SRRM4: variants seen among roughly 807,000 people sequenced by gnomAD.
SRRM4 encodes the protein serine/arginine repetitive matrix 4.
SRRM4 carries 33 observed loss-of-function variants against 68.9 expected under a neutral mutation model. The observed-to-expected ratio is 0.48, with a 90% CI of 0.36 to 0.64. The LOEUF is 0.64. Among genes scored for constraint, SRRM4 ranks in the 30% least tolerant of loss-of-function variants. The probability of loss-of-function intolerance (pLI) is 0.00; values close to 1 mark genes in which losing one functional copy is unlikely to be tolerated. For missense variants in SRRM4, 817 were observed against 827.1 expected, an observed-to-expected ratio of 0.99 and a Z score of 0.15; for synonymous variants, 318 against 318.8, an observed-to-expected ratio of 1.00 and a Z score of 0.03.
intron 1 of SRRM4, among the ~76,000 whole-genome samples, chr12:119,009,270 G>A (rs1472967729): frequency 2.0e-5 from 3 of 152,166 alleles, no homozygotes; most frequent in African/African-American, 7.2e-5. Flanking sequence ...ATCGGGAAGA[G>A]GGAGGAGAGT....
Position 119,003,337 on chromosome 12 carries a change from C to T in SRRM4, c.131+21324C>T, listed in dbSNP as rs1354794480. Among the ~76,000 whole-genome samples, 4 of 151,788 alleles carry T rather than the reference C, an allele frequency of 2.6e-5. No homozygotes were observed. In the East Asian group the frequency reaches 6.0e-4, roughly 23 times the overall value. The stretch of plus-strand genomic sequence containing the variant: ...AATAGCTGTGAGCCTTCACAGCTTC[C>T]GGCATATCCTGAGCCTCAGCCCCCA... On this transcript the variant is annotated intron_variant, in intron 1 of 12. Coordinates refer to ENST00000267260, the MANE Select transcript of SRRM4 (RefSeq NM_194286.4).
chr12:118,988,394 G>A (rs936966872), intron 1 of SRRM4, among the ~76,000 whole-genome samples: 2 of 152,330 alleles, frequency 1.3e-5, no homozygotes, highest in African/African-American at 4.8e-5. Context: ...AACGCTAGTG[G>A]AGGGGAGCCG....
chr12:119,018,993 AAAAG>A (rs1953498010), intron 1 of SRRM4, among the ~76,000 whole-genome samples: 2 of 152,194 alleles, frequency 1.3e-5, no homozygotes. Context: ...AGCTCAAGTG[AAAAG>A]AAAGAGATTT....
rs148414816 is a variant in SRRM4 at position 119,057,876 on chromosome 12, G to A, written c.132-44360G>A. ...ACATCTGTTGTTTCTGGACTTTTTA[G>A]TAATTGCCATTGGTCCAGGGTTTTT... On this transcript the variant is annotated intron_variant, in intron 1 of 12. Transcript: ENST00000267260. Among the ~76,000 whole-genome samples, 431 of 152,210 alleles carry A rather than the reference G, an allele frequency of 2.8e-3. 3 individuals carry two copies. The highest frequency in any genetic ancestry group is 9.9e-3 in the African/African-American group (410 of 41,538).
intron 1 of SRRM4, among the ~76,000 whole-genome samples, chr12:119,033,633 C>T (rs1953607517): frequency 6.7e-6 from 1 of 150,302 alleles, no homozygotes; most frequent in African/African-American, 2.5e-5. Flanking sequence ...CACTGCAGTC[C>T]AGCCTGGTGA....
intron 8 of SRRM4, among the ~76,000 whole-genome samples, chr12:119,133,321 GGTGGTAATAGTA>G (rs1954309053): frequency 6.6e-6 from 1 of 152,198 alleles, no homozygotes; most frequent in Admixed American, 6.5e-5. Flanking sequence ...TGATAGTAGT[GGTGGTAATAGTA>G]GTGGTGATAG....
chr12:119,123,399 A>G (rs190422962), intron 6 of SRRM4, among the ~76,000 whole-genome samples: 6 of 152,244 alleles, frequency 3.9e-5, no homozygotes, highest in Non-Finnish European at 8.8e-5. Flanking sequence ...AAGCACAGAT[A>G]GAGTACACGT....
At chr12:119,070,420 C>G (rs1228056281) in intron 1 of SRRM4, among the ~76,000 whole-genome samples, 2 of 152,102 alleles carry the variant, frequency 1.3e-5, no homozygotes, top group African/African-American at 4.8e-5. Context: ...TTAGAGTTCA[C>G]CCATGTCTGC....
intron 1 of SRRM4, among the ~76,000 whole-genome samples, chr12:119,066,692 C>T (rs941471037): frequency 2.0e-5 from 3 of 152,210 alleles, no homozygotes; most frequent in Non-Finnish European, 4.4e-5. Flanking sequence ...CGTCTACAGC[C>T]CTTCACCTGA....
chr12:119,013,962 TTTATTTGACCA>T (rs1953465616), intron 1 of SRRM4, among the ~76,000 whole-genome samples: 1 of 152,124 alleles, frequency 6.6e-6, no homozygotes, highest in African/African-American at 2.4e-5. Flanking sequence ...TAAGAATCAT[TTTATTTGACCA>T]TTACTTGATG....
intron 2 of SRRM4, among the ~76,000 whole-genome samples, chr12:119,103,544 G>A (rs1230329709): frequency 2.0e-5 from 3 of 152,204 alleles, no homozygotes; most frequent in Non-Finnish European, 4.4e-5. Context: ...CTTTAGTTAT[G>A]CTGCAATTTC....
intron 1 of SRRM4, among the ~76,000 whole-genome samples, chr12:119,085,028 G>A (rs1448421403): frequency 6.6e-6 from 1 of 152,156 alleles, no homozygotes; most frequent in African/African-American, 2.4e-5. Context: ...AGCCTCCCGA[G>A]TAGCCGGGAT....
At chr12:119,054,302 A>G (rs1051567845) in intron 1 of SRRM4, among the ~76,000 whole-genome samples, 4 of 152,172 alleles carry the variant, frequency 2.6e-5, no homozygotes, top group Non-Finnish European at 4.4e-5. Context: ...ACACTTTTTG[A>G]GCACTCACTG....
chr12:119,134,948 A>G (rs1175598225), intron 8 of SRRM4, among the ~76,000 whole-genome samples: 1 of 152,148 alleles, frequency 6.6e-6, no homozygotes, highest in African/African-American at 2.4e-5. Flanking sequence ...AAACACCACT[A>G]TGTGTCAGGC....
At chr12:119,128,117 G>A (rs1954272554) in intron 7 of SRRM4, among the ~76,000 whole-genome samples, 1 of 152,164 alleles carries the variant, frequency 6.6e-6, no homozygotes, top group East Asian at 1.9e-4. Context: ...AGGCCTTGGT[G>A]TTTCTGCTGA....
In SRRM4 at chr12:119,110,856, C is replaced by T. The variant is rs1954138551; in HGVS notation, c.279-3422C>T. ...TCCGACAAGCCCCCATGAGATGAAC[C>T]CGGTACCTTAGTTGGAAATACAGAA... is the stretch of plus-strand genomic sequence containing the variant. On this transcript the variant is annotated intron_variant, in intron 2 of 12. Coordinates refer to ENST00000267260, the MANE Select transcript of SRRM4 (RefSeq NM_194286.4). Among the ~76,000 whole-genome samples, 3 of 152,314 alleles carry T rather than the reference C, an allele frequency of 2.0e-5. No individual in the cohort carries two copies. The South Asian group carries it at 6.2e-4, about 32-fold the overall frequency.
At chr12:119,112,691 C>G (rs190187516) in intron 2 of SRRM4, among the ~76,000 whole-genome samples, 6 of 152,258 alleles carry the variant, frequency 3.9e-5, no homozygotes, top group Admixed American at 2.0e-4. Context: ...CCTCTGCAAA[C>G]CAATGCAAGA....
chr12:119,052,472 A>G (rs908324118), intron 1 of SRRM4, among the ~76,000 whole-genome samples: 106 of 152,200 alleles, frequency 7.0e-4, no homozygotes, highest in African/African-American at 2.5e-3. Flanking sequence ...ACTGGCATAG[A>G]GATTACCTAG....
At chr12:119,050,141 G>A (rs1953733245) in intron 1 of SRRM4, among the ~76,000 whole-genome samples, 1 of 152,140 alleles carries the variant, frequency 6.6e-6, no homozygotes, top group Non-Finnish European at 1.5e-5. Flanking sequence ...CCAGGACGGT[G>A]ACAGCAACCC....
Sources: allele counts gnomAD v4.1 joint callset (sites outside exome capture counted in the v4.1 genomes callset), GRCh38; gene constraint gnomAD v4.1.1; transcripts MANE v1.5; gene names NCBI Gene and HGNC (gene_info 2026-07-23, HGNC 2026-07-21).